Variants in MCF2L2 observed in about 807,000 individuals in gnomAD.
MCF2L2 encodes the protein probable guanine nucleotide exchange factor MCF2L2.
In MCF2L2, 102 loss-of-function variants were observed where a neutral mutation model predicts 150.2. The observed-to-expected ratio is 0.68, with a 90% confidence interval of 0.58 to 0.80. MCF2L2 has a LOEUF of 0.80. MCF2L2 is among the 30% of genes least tolerant of loss of function. MCF2L2 has a pLI of 0.00. For missense variants in MCF2L2, 1,256 were observed against 1,372.8 expected, an observed-to-expected ratio of 0.91 and a Z score of 1.34; for synonymous variants, 465 against 491.3, an observed-to-expected ratio of 0.95 and a Z score of 0.71.
chr3:183,206,048 A>C, intron 24 of MCF2L2, 74 bp downstream of exon 24: 1 of 1,563,258 alleles, frequency 6.4e-7, no homozygotes, highest in South Asian at 1.1e-5. Flanking sequence ...AATGAGATAG[A>C]AAACACTTGT....
intron 7 of MCF2L2, among the ~76,000 whole-genome samples, chr3:183,315,836 C>T (rs1729581097): frequency 6.6e-6 from 1 of 152,154 alleles, no homozygotes; most frequent in Non-Finnish European, 1.5e-5. Flanking sequence ...CTGGTTTTCA[C>T]CCCCTAGTTA....
chr3:183,183,662 G>A (rs1248820631), intron 27 of MCF2L2, among the ~76,000 whole-genome samples: 1 of 152,134 alleles, frequency 6.6e-6, no homozygotes, highest in African/African-American at 2.4e-5. Context: ...CTTGGTATGA[G>A]GATTAGCAAA....
intron 1 of MCF2L2, among the ~76,000 whole-genome samples, chr3:183,415,588 T>C (rs1020167336): frequency 6.6e-6 from 1 of 152,238 alleles, no homozygotes; most frequent in African/African-American, 2.4e-5. Context: ...ATCTTGGTGA[T>C]AGATTAAGCC....
chr3:183,410,687 G>A (rs999142078), intron 1 of MCF2L2, among the ~76,000 whole-genome samples: 2 of 152,198 alleles, frequency 1.3e-5, no homozygotes, highest in Admixed American at 1.3e-4. Context: ...CTGTAAAACC[G>A]TCTAAGTATT....
At chr3:183,303,961 T>C (rs1165123983) in intron 10 of MCF2L2, among the ~76,000 whole-genome samples, 2 of 152,152 alleles carry the variant, frequency 1.3e-5, no homozygotes, top group Non-Finnish European at 2.9e-5. Context: ...GCTGCAACCA[T>C]ACTAATTATC....
At chr3:183,213,377 T>A (rs575336488) in intron 22 of MCF2L2, among the ~76,000 whole-genome samples, 1 of 152,190 alleles carries the variant, frequency 6.6e-6, no homozygotes, top group East Asian at 1.9e-4. Context: ...CCAGGACTAA[T>A]TGAGTACACA....
intron 20 of MCF2L2, among the ~76,000 whole-genome samples, chr3:183,223,013 T>A (rs1723200599): frequency 6.6e-6 from 1 of 152,122 alleles, no homozygotes; most frequent in Admixed American, 6.5e-5. Context: ...CTTCCACAAG[T>A]TAAAATGCCC....
chr3:183,185,188 G>C (rs1361072624), intron 27 of MCF2L2, among the ~76,000 whole-genome samples: 2 of 152,206 alleles, frequency 1.3e-5, no homozygotes, highest in African/African-American at 2.4e-5. Context: ...AAAGTGCTGG[G>C]ATTACAGGCG....
chr3:183,319,258 C>T (rs557686182), intron 6 of MCF2L2, among the ~76,000 whole-genome samples: 1 of 152,350 alleles, frequency 6.6e-6, no homozygotes, highest in South Asian at 2.1e-4. Context: ...GTTCTTCATT[C>T]ATTCAAGCTT....
intron 15 of MCF2L2, among the ~76,000 whole-genome samples, chr3:183,245,513 C>G (rs1200724949): frequency 2.0e-5 from 3 of 151,976 alleles, no homozygotes; most frequent in African/African-American, 7.3e-5. Context: ...TGAGTGCTGG[C>G]CAGGGGAGGT....
chr3:183,269,602 C>T (rs2108443995), intron 15 of MCF2L2: 1 of 530,732 alleles, frequency 1.9e-6, no homozygotes, highest in Non-Finnish European at 3.2e-6. Flanking sequence ...CCTCGTTCTA[C>T]AGGGTGTTCC....
intron 1 of MCF2L2, among the ~76,000 whole-genome samples, chr3:183,409,319 A>G (rs922023306): frequency 9.9e-5 from 15 of 152,176 alleles, no homozygotes; most frequent in Non-Finnish European, 2.2e-4. Context: ...GTCATGGGAA[A>G]TTAAAGCAAA....
At position 183,427,903 on chromosome 3, in the gene MCF2L2, G is replaced by C. The variant is rs370029930; in HGVS notation, c.75C>G (p.Val25=). 1.2e-5 allele frequency: 19 copies of C among 1,613,612 alleles called. No homozygotes were observed. The highest frequency in any genetic ancestry group is 1.6e-5 in the Non-Finnish European group (19 of 1,179,520). The change falls in exon 1 of 30, where the codon GTC becomes GTG. Residue 25 remains valine, a splice_region_variant and synonymous_variant. Coordinates refer to ENST00000328913, the MANE Select transcript of MCF2L2 (RefSeq NM_015078.4). ...TRRLATVITH[V]DEIMQQEVRP... ...AGGAAAAATTAAAGCTTCGTTTACCGACATGAGTGATCACTGTGGCCAGTC... is the reference window on the plus strand; with the variant it reads ...AGGAAAAATTAAAGCTTCGTTTACCCACATGAGTGATCACTGTGGCCAGTC...
intron 22 of MCF2L2, among the ~76,000 whole-genome samples, chr3:183,212,244 G>T (rs896306087): frequency 6.6e-5 from 10 of 152,144 alleles, no homozygotes; most frequent in African/African-American, 2.4e-4. Flanking sequence ...AAACTGTGAG[G>T]GAATAAATTT....
chr3:183,192,263 G>A (rs564516458), intron 27 of MCF2L2, among the ~76,000 whole-genome samples: 3 of 152,058 alleles, frequency 2.0e-5, no homozygotes, highest in South Asian at 2.1e-4. Context: ...CTCAAACTCC[G>A]GAGTAGCTAG....
At chr3:183,342,790 T>A (rs1730756209) in intron 3 of MCF2L2, among the ~76,000 whole-genome samples, 1 of 152,112 alleles carries the variant, frequency 6.6e-6, no homozygotes, top group African/African-American at 2.4e-5. Context: ...TATGTGCTTG[T>A]CACAGAGATT....
chr3:183,298,710 T>A (rs569624449), intron 11 of MCF2L2: 4 of 148,022 alleles, frequency 2.7e-5, no homozygotes, highest in African/African-American at 7.8e-5. Flanking sequence ...AGAGTTACTA[T>A]GGCTACTTGC....
intron 3 of MCF2L2, among the ~76,000 whole-genome samples, chr3:183,360,836 G>T (rs1400430040): frequency 6.6e-6 from 1 of 151,888 alleles, no homozygotes; most frequent in African/African-American, 2.4e-5. Flanking sequence ...GAGTGTGGTG[G>T]CGCATGCTTA....
At chr3:183,252,174 GCA>G (rs2108385762) in intron 15 of MCF2L2, among the ~76,000 whole-genome samples, 1 of 151,880 alleles carries the variant, frequency 6.6e-6, no homozygotes, top group East Asian at 1.9e-4. Flanking sequence ...TTGAATATTT[GCA>G]CAGATATACA....
Sources: allele counts gnomAD v4.1 joint callset (sites outside exome capture counted in the v4.1 genomes callset), GRCh38; gene constraint gnomAD v4.1.1; transcripts MANE v1.5; gene names NCBI Gene and HGNC (gene_info 2026-07-23, HGNC 2026-07-21).